The following FAM178B variants were observed in gnomAD, a reference collection of about 807,000 sequenced individuals.
FAM178B encodes the protein family with sequence similarity 178 member B.
In FAM178B, 82 loss-of-function variants were observed where a neutral mutation model predicts 91.7. That is an observed-to-expected ratio of 0.89 (90% CI 0.75 to 1.07). FAM178B has a LOEUF of 1.07. FAM178B is among the 50% of genes least tolerant of loss of function. The pLI, the probability that FAM178B is intolerant of heterozygous loss-of-function variation, is 0.00. For synonymous variants in FAM178B, 368 were observed against 359.4 expected (o/e 1.02, Z -0.27); for missense variants, 769 against 846.7 (o/e 0.91, Z 1.14).
intron 12 of FAM178B, 38 bp downstream of exon 12, chr2:96,921,127 G>T: frequency 7.3e-6 from 11 of 1,503,640 alleles, no homozygotes; most frequent in African/African-American, 2.8e-5. Context: ...GAAGAGATGC[G>T]TGTGAGAGGG....
intron 4 of FAM178B, 76 bp downstream of exon 4, chr2:96,970,640 C>T: frequency 3.4e-6 from 4 of 1,160,476 alleles, no homozygotes; most frequent in South Asian, 2.6e-5. Context: ...TCCGACCAGA[C>T]TCTGCAGTGA....
chr2:96,977,950 C>CGGGGGGGGGGGGG, intron 1 of FAM178B: 3 of 229,318 alleles, frequency 1.3e-5, no homozygotes, highest in South Asian at 3.4e-5. Flanking sequence ...GTGGGGCGGG[C>CGGGGGGGGGGGGG]GGGGGAGGGG....
At chr2:96,966,174 C>T (rs533354233) in intron 5 of FAM178B, among the ~76,000 whole-genome samples, 18 of 152,218 alleles carry the variant, frequency 1.2e-4, no homozygotes, top group East Asian at 9.7e-4. Context: ...GGCTCCCACA[C>T]GCCAGGTGCA....
chr2:96,967,656 G>A, intron 4 of FAM178B, 29 bp from the exon 5 acceptor site: 1 of 1,464,952 alleles, frequency 6.8e-7, no homozygotes, highest in Non-Finnish European at 9.3e-7. Flanking sequence ...CAGAGCCGGG[G>A]GTCAGTGTTG....
At chr2:96,888,980 C>G (rs916904548) in intron 14 of FAM178B, among the ~76,000 whole-genome samples, 1 of 152,196 alleles carries the variant, frequency 6.6e-6, no homozygotes, top group Non-Finnish European at 1.5e-5. Context: ...AGCTGGGGAC[C>G]TTAAGTGGTG....
chr2:96,879,192 G>A (rs1049697877), intron 14 of FAM178B, among the ~76,000 whole-genome samples: 5 of 152,226 alleles, frequency 3.3e-5, no homozygotes, highest in Non-Finnish European at 5.9e-5. Context: ...GATGCAGCCT[G>A]CCCTGGATTC....
chr2:96,958,210 C>T (rs1324079329), intron 6 of FAM178B, among the ~76,000 whole-genome samples: 2 of 151,912 alleles, frequency 1.3e-5, no homozygotes, highest in Admixed American at 6.6e-5. Context: ...GCTGGGACTA[C>T]AGGCGCCCGC....
intron 10 of FAM178B, among the ~76,000 whole-genome samples, chr2:96,922,538 C>T (rs1365225107): frequency 6.6e-6 from 1 of 152,178 alleles, no homozygotes; most frequent in Admixed American, 6.5e-5. Flanking sequence ...TTAGTAGAGA[C>T]GGGGTTTCAC....
At chr2:96,896,796 T>C (rs752604835) in intron 13 of FAM178B, among the ~76,000 whole-genome samples, 20 of 152,176 alleles carry the variant, frequency 1.3e-4, no homozygotes, top group Non-Finnish European at 2.1e-4. Flanking sequence ...AGCACCTGCC[T>C]CTCTCTTCCT....
intron 4 of FAM178B, among the ~76,000 whole-genome samples, chr2:96,968,035 A>G (rs1257011): frequency 0.83 from 125,434 of 151,156 alleles, 53,333 homozygotes; most frequent in African/African-American, 0.89. Flanking sequence ...GGGCTCAAGC[A>G]ATTTCCCACC....
chr2:96,969,812 C>T (rs141386008), intron 4 of FAM178B, among the ~76,000 whole-genome samples: 199 of 152,296 alleles, frequency 1.3e-3, no homozygotes, highest in African/African-American at 4.3e-3. Flanking sequence ...GACTCCAGGG[C>T]GGGCCAGAGG....
At chr2:96,965,509 C>T (rs2082132415) in intron 5 of FAM178B, among the ~76,000 whole-genome samples, 1 of 151,902 alleles carries the variant, frequency 6.6e-6, no homozygotes, top group Non-Finnish European at 1.5e-5. Flanking sequence ...GTCACCCAGG[C>T]TGTGGTGCAG....
chr2:96,881,101 G>A (rs2080371367), intron 14 of FAM178B, among the ~76,000 whole-genome samples: 1 of 151,780 alleles, frequency 6.6e-6, no homozygotes, highest in South Asian at 2.1e-4. Context: ...GTGAGACCCC[G>A]ACTCCACAGA....
At chr2:96,962,076 C>T (rs1018269322) in intron 5 of FAM178B, among the ~76,000 whole-genome samples, 3 of 152,136 alleles carry the variant, frequency 2.0e-5, no homozygotes, top group South Asian at 4.1e-4. Flanking sequence ...CTGAGGTGGG[C>T]GGATCACCTG....
chr2:96,978,661 T>C (rs993486983), intron 1 of FAM178B, among the ~76,000 whole-genome samples: 1 of 151,428 alleles, frequency 6.6e-6, no homozygotes, highest in Non-Finnish European at 1.5e-5. Context: ...AGTCTCACTT[T>C]GTCACCAGGC....
intron 7 of FAM178B, chr2:96,950,085 T>TG: frequency 1.0e-6 from 1 of 985,584 alleles, no homozygotes; most frequent in Non-Finnish European, 1.2e-6. Context: ...CCTCCCAGGA[T>TG]GGGGGTCTCT....
intron 12 of FAM178B, among the ~76,000 whole-genome samples, chr2:96,915,485 T>A (rs1195305230): frequency 1.3e-5 from 2 of 151,434 alleles, no homozygotes; most frequent in African/African-American, 4.8e-5. Context: ...GCTGTGGGGG[T>A]AAGAGCAGGA....
intron 6 of FAM178B, among the ~76,000 whole-genome samples, chr2:96,953,450 G>A (rs1273828567): frequency 6.6e-6 from 1 of 152,152 alleles, no homozygotes; most frequent in Non-Finnish European, 1.5e-5. Context: ...TTTCTTAGTG[G>A]GAGAATTGAT....
intron 6 of FAM178B, chr2:96,951,704 T>A: frequency 1.9e-6 from 1 of 519,472 alleles, no homozygotes; most frequent in South Asian, 2.0e-5. Context: ...GAATGTTGCG[T>A]GAACACACCT....
Sources: allele counts gnomAD v4.1 joint callset (sites outside exome capture counted in the v4.1 genomes callset), GRCh38; gene constraint gnomAD v4.1.1; transcripts MANE v1.5; gene names NCBI Gene and HGNC (gene_info 2026-07-23, HGNC 2026-07-21).